The following ADGRB1 variants were observed in gnomAD, a reference collection of about 807,000 sequenced individuals.
The protein encoded by ADGRB1 is adhesion G protein-coupled receptor B1, also known as brain-specific angiogenesis inhibitor 1.
ADGRB1 carries 36 observed loss-of-function variants against 175.7 expected under a neutral mutation model. The observed-to-expected ratio is 0.20, with a 90% CI of 0.16 to 0.27. The LOEUF is 0.27. Among genes scored for constraint, ADGRB1 ranks in the 10% least tolerant of loss-of-function variants. The pLI is 1.00. For synonymous variants in ADGRB1, 1,054 were observed against 979.4 expected, an observed-to-expected ratio of 1.08 and a Z score of -1.42; for missense variants, 1,731 against 2,255.3, an observed-to-expected ratio of 0.77 and a Z score of 4.71.
chr8:142,498,069 C>T (rs550549188), intron 17 of ADGRB1, among the ~76,000 whole-genome samples: 1 of 152,334 alleles, frequency 6.6e-6, no homozygotes. Context: ...CCCACAGGGC[C>T]TGCTTGGGAA....
chr8:142,542,539 ACCC>A lies in ADGRB1; in HGVS notation c.4309_4311del (p.Pro1437del). ...CCCCACCGCCCAATCTGGAGCCGGC[ACCC>A]CCCAGCCTGGGGGATCCCGGGGAGC... On this transcript the variant is annotated inframe_deletion, in exon 28 of 31. Coordinates refer to ENST00000517894, the MANE Select transcript of ADGRB1 (RefSeq NM_001702.3). This position sits in a 1 kb window ranked among gnomAD's most constrained non-coding sequence, Gnocchi z 6.3. The A allele has an allele frequency of 6.9e-7, 1 of 1,447,334 alleles. No homozygotes were observed. Among genetic ancestry groups the A allele is most frequent in the South Asian group, 1.3e-5 (1 of 78,336 alleles). The allele number at this position is 1,447,334 out of a possible 1,614,324, so 89.7% of individuals were successfully genotyped here.
intron 2 of ADGRB1, among the ~76,000 whole-genome samples, chr8:142,467,161 A>G (rs1840325650): frequency 6.6e-6 from 1 of 152,232 alleles, no homozygotes; most frequent in Non-Finnish European, 1.5e-5. Context: ...TACTGAGTGC[A>G]GGCACCCTAT....
rs1289460785 is a variant in ADGRB1, at chr8:142,543,291, T to C, written c.4414-112T>C. 5 of 1,437,852 alleles carry C rather than the reference T, an allele frequency of 3.5e-6. No homozygotes were observed. In the African/African-American group the frequency reaches 5.6e-5, roughly 16 times the overall value. The allele number at this position is 1,437,852 out of a possible 1,614,324, so 89.1% of individuals were successfully genotyped here. A position where few individuals can be genotyped will look rare whatever the true frequency, so the allele number is the denominator to read the frequency against. On this transcript the variant is annotated intron_variant, in intron 28 of 30. Coordinates refer to ENST00000517894, the MANE Select transcript of ADGRB1 (RefSeq NM_001702.3). This position sits in a 1 kb window ranked among gnomAD's most constrained non-coding sequence, Gnocchi z 4.4. ...TGTCCCCTGGGTCTGGCCTGGTCCCTGAAGGCAGGCATGGGGCGAGTGAGT... is the reference window on the plus strand; with the variant it reads ...TGTCCCCTGGGTCTGGCCTGGTCCCCGAAGGCAGGCATGGGGCGAGTGAGT...
At chr8:142,483,951 C>T in intron 11 of ADGRB1, 26 bp from the exon 12 acceptor site, 1 of 1,612,446 alleles carries the variant, frequency 6.2e-7, no homozygotes, top group East Asian at 2.2e-5. Context: ...TTCTCTGTCA[C>T]TGGCCCTTCT....
In ADGRB1 at chr8:142,514,272, A is replaced by T. The variant is rs371975994; in HGVS notation, c.2817+3199A>T. On this transcript the variant is annotated intron_variant, in intron 18 of 30. Transcript: ENST00000517894. ...ACCCCGGGAGCCAGGGTGGGATGAG[A>T]TCCGGGCAGGGTGGTAGAGCGAGGG... Among the ~76,000 whole-genome samples the T allele has an allele frequency of 1.9e-4, 29 of 151,760 alleles. 1 individual carries two copies. The South Asian group carries it at 6.1e-3, about 32-fold the overall frequency.
chr8:142,491,776 A>G lies in ADGRB1; in HGVS notation c.2675+961A>G, dbSNP rs77317619. On this transcript the variant is annotated intron_variant, in intron 17 of 30. Coordinates refer to ENST00000517894, the MANE Select transcript of ADGRB1 (RefSeq NM_001702.3). ...CCCGGGCCGAGTGTGTGCGGTCAGCATGGCCACCTGGGTGCCGGTGGCACT... is the reference window on the plus strand; with the variant it reads ...CCCGGGCCGAGTGTGTGCGGTCAGCGTGGCCACCTGGGTGCCGGTGGCACT... 6.7e-3 allele frequency among the ~76,000 whole-genome samples: 1,018 copies of G among 152,278 alleles called. 14 individuals carry two copies. The highest frequency in any genetic ancestry group is 0.024 in the African/African-American group (981 of 41,546).
chr8:142,485,468 A>C (rs1012897526), intron 13 of ADGRB1, among the ~76,000 whole-genome samples: 3 of 152,184 alleles, frequency 2.0e-5, no homozygotes, highest in African/African-American at 7.2e-5. Context: ...AGGTGGGAGG[A>C]TCGCTTGAGC....
At chr8:142,516,558 A>ATG (rs146929982) in intron 18 of ADGRB1, among the ~76,000 whole-genome samples, 6 of 80,136 alleles carry the variant, frequency 7.5e-5, no homozygotes, top group South Asian at 4.6e-4. Context: ...CCCCAGGTGC[A>ATG]TGTGTGTGTG....
intron 2 of ADGRB1, among the ~76,000 whole-genome samples, chr8:142,475,184 C>T (rs930515011): frequency 4.6e-5 from 7 of 152,186 alleles, no homozygotes; most frequent in East Asian, 1.9e-4. Flanking sequence ...CTGAGGCAGC[C>T]CTCTGGTGGG....
intron 1 of ADGRB1, among the ~76,000 whole-genome samples, chr8:142,452,349 G>C (rs530075034): frequency 1.3e-5 from 2 of 152,198 alleles, no homozygotes; most frequent in Non-Finnish European, 1.5e-5. Flanking sequence ...TCCCAGGGAC[G>C]GGCGCTTGTT....
chr8:142,500,670 G>GGGT (rs759820524), intron 17 of ADGRB1, among the ~76,000 whole-genome samples: 1 of 152,080 alleles, frequency 6.6e-6, no homozygotes, highest in Non-Finnish European at 1.5e-5. Context: ...CAGAGAGGGA[G>GGGT]GGTGGTGACT....
intron 1 of ADGRB1, among the ~76,000 whole-genome samples, chr8:142,456,933 C>T (rs1031702580): frequency 5.9e-5 from 9 of 152,220 alleles, no homozygotes; most frequent in African/African-American, 2.4e-5. Flanking sequence ...GCCCTGCCTT[C>T]GAGGGCAACT....
rs749601931 is a variant in ADGRB1 at position 142,537,118 on chromosome 8, C to A, written c.3666+36C>A. ...GGGCCCGGGGACTCAGGCTGCCCTACCTGCCTCGTACCCCCGCCAAGTGCC... is the reference window on the plus strand; with the variant it reads ...GGGCCCGGGGACTCAGGCTGCCCTAACTGCCTCGTACCCCCGCCAAGTGCC... On this transcript the variant is annotated intron_variant, in intron 26 of 30. Coordinates refer to ENST00000517894, the MANE Select transcript of ADGRB1 (RefSeq NM_001702.3). The surrounding 1 kb of genome is among the most constrained non-coding windows in gnomAD (Gnocchi z 4.6). The A allele has an allele frequency of 1.4e-6, 2 of 1,414,468 alleles. No homozygotes were observed. Among genetic ancestry groups the A allele is most frequent in the Non-Finnish European group, 9.3e-7 (1 of 1,075,984 alleles). The allele number at this position is 1,414,468 out of a possible 1,614,324, so 87.6% of individuals were successfully genotyped here. A position where few individuals can be genotyped will look rare whatever the true frequency, so the allele number is the denominator to read the frequency against.
At chr8:142,515,242 G>A (rs1033085428) in intron 18 of ADGRB1, among the ~76,000 whole-genome samples, 1 of 152,196 alleles carries the variant, frequency 6.6e-6, no homozygotes, top group African/African-American at 2.4e-5. Flanking sequence ...GCCGCGCTGT[G>A]CCTGGCTTGA....
intron 23 of ADGRB1, among the ~76,000 whole-genome samples, chr8:142,525,326 G>A (rs1001781017): frequency 1.3e-5 from 2 of 151,588 alleles, no homozygotes; most frequent in Non-Finnish European, 3.0e-5. Flanking sequence ...ACCTGGGGAT[G>A]GAGGTTGTGG....
chr8:142,491,672 G>A (rs548618831), intron 17 of ADGRB1, among the ~76,000 whole-genome samples: 43 of 152,300 alleles, frequency 2.8e-4, no homozygotes, highest in South Asian at 1.5e-3. Context: ...TCCTCCGAGC[G>A]TGTTCCTCCG....
intron 19 of ADGRB1, among the ~76,000 whole-genome samples, chr8:142,519,362 C>T (rs1203539832): frequency 6.6e-6 from 1 of 152,176 alleles, no homozygotes; most frequent in African/African-American, 2.4e-5. Context: ...AGAACGTGAC[C>T]TGCCCAAGGT....
chr8:142,513,251 C>T (rs556041684), intron 18 of ADGRB1, among the ~76,000 whole-genome samples: 5 of 152,248 alleles, frequency 3.3e-5, no homozygotes, highest in African/African-American at 2.4e-5. Flanking sequence ...GATGGGAGGG[C>T]GGTTGGCTCT....
chr8:142,543,184 C>T lies in ADGRB1; in HGVS notation c.4414-219C>T, dbSNP rs1845384062. 1.3e-5 allele frequency among the ~76,000 whole-genome samples: 2 copies of T among 152,228 alleles called. No individual in the cohort carries two copies. The highest frequency in any genetic ancestry group is 2.1e-4 in the South Asian group (1 of 4,822). On this transcript the variant is annotated intron_variant, in intron 28 of 30. Transcript: ENST00000517894. The surrounding 1 kb of genome is among the most constrained non-coding windows in gnomAD (Gnocchi z 4.4). ...GGGAGTGTGTCCCGGGTAGGCGAGCCGGACACCCCAGCCCAGCCTTGGTGC... is the reference window on the plus strand; with the variant it reads ...GGGAGTGTGTCCCGGGTAGGCGAGCTGGACACCCCAGCCCAGCCTTGGTGC...
Sources: gnomAD v4.1 joint callset for allele counts (sites outside exome capture counted in the v4.1 genomes callset) on GRCh38, gnomAD v4.1.1 for gene constraint, Gnocchi (gnomAD v3.1) non-coding constraint, MANE v1.5 for transcripts, NCBI Gene and HGNC (gene_info 2026-07-23, HGNC 2026-07-21) for gene names.